The following CHP2 variants were observed in gnomAD, a reference collection of about 807,000 sequenced individuals.
CHP2 encodes the protein calcineurin like EF-hand protein 2, also known as calcineurin B homologous protein 2.
In CHP2, 31 loss-of-function variants were observed where a neutral mutation model predicts 24.7. That is an observed-to-expected ratio of 1.26 (90% CI 0.94 to 1.69). The LOEUF is 1.69. Among genes scored for constraint, CHP2 ranks in the 40% most tolerant of loss-of-function variants. CHP2 has a pLI of 0.00. For missense variants in CHP2, 319 were observed against 261.5 expected (o/e 1.22, Z -1.52); for synonymous variants, 97 against 99.1 (o/e 0.98, Z 0.13).
chr16:23,756,012 G>T (rs749769728), intron 3 of CHP2, 51 bp from the exon 4 acceptor site: 28 of 1,613,772 alleles, frequency 1.7e-5, no homozygotes, highest in Middle Eastern at 1.6e-4. Flanking sequence ...CGGAGGCAAA[G>T]TGATGGCCAA....
rs1248844461 is a variant in CHP2, at chr16:23,756,178, A to G, written c.337A>G (p.Arg113Gly). 1 of 1,613,966 alleles carries G rather than the reference A, an allele frequency of 6.2e-7. No homozygotes were observed. Among genetic ancestry groups the G allele is most frequent in the Non-Finnish European group, 8.5e-7 (1 of 1,180,040 alleles). ...PKKPEPLNSR[R>G]NKLHYAFQLY... ...GAAACCTGAACCTCTCAACAGCAGA[A>G]GGAACAAACTTCACTGTGAGTTTGT... Residue 113 changes from arginine to glycine, a missense_variant, in exon 4 of 7, where the codon AGG becomes GGG. By Grantham distance (125) the Arg-to-Gly change is moderately radical (BLOSUM62 -2). Coordinates refer to ENST00000300113, the MANE Select transcript of CHP2 (RefSeq NM_022097.4).
At chr16:23,756,670 G>A (rs915032133) in intron 5 of CHP2, among the ~76,000 whole-genome samples, 1 of 152,148 alleles carries the variant, frequency 6.6e-6, no homozygotes, top group African/African-American at 2.4e-5. Context: ...ATTCTCAACT[G>A]GGGGTGATTT....
intron 6 of CHP2, 31 bp from the exon 7 acceptor site, chr16:23,757,499 G>A (rs750156394): frequency 3.7e-6 from 6 of 1,611,328 alleles, no homozygotes; most frequent in South Asian, 1.1e-5. Context: ...TGAGAGTCAA[G>A]CCTCTTGCCT....
intron 1 of CHP2, chr16:23,755,338 G>A (rs1173874999): frequency 8.4e-6 from 5 of 594,742 alleles, no homozygotes; most frequent in African/African-American, 1.9e-5. Flanking sequence ...GGGTTCACGG[G>A]GTCGGAGTCC....
chr16:23,757,885 T>C lies in CHP2; in HGVS notation c.*302T>C. 1 of 426,558 alleles carries C rather than the reference T, an allele frequency of 2.3e-6. No homozygotes were observed. Among genetic ancestry groups the C allele is most frequent in the South Asian group, 2.2e-5 (1 of 44,666 alleles). The allele number at this position is 426,558 out of a possible 1,614,324, so 26.4% of individuals were successfully genotyped here. On this transcript the variant is annotated 3_prime_UTR_variant, in exon 7 of 7. Transcript: ENST00000300113. ...ATTATGATTACATTGTAATATATAA[T>C]GAAATAATTATACAACTCACCATAA...
At chr16:23,755,960 G>A (rs750198750) in intron 3 of CHP2, 33 bp downstream of exon 3, 7 of 1,613,856 alleles carry the variant, frequency 4.3e-6, no homozygotes, top group East Asian at 4.5e-5. Context: ...AGGTGAAGGC[G>A]GGAAAACCGG....
At chr16:23,757,471 G>T (rs1961241944) in intron 6 of CHP2, 59 bp from the exon 7 acceptor site, 9 of 1,593,592 alleles carry the variant, frequency 5.6e-6, no homozygotes, top group East Asian at 4.5e-5. Context: ...GGGGGAGGAG[G>T]TTGGGAGCAT....
chr16:23,755,208 C>T, intron 1 of CHP2, 92 bp downstream of exon 1: 1 of 923,414 alleles, frequency 1.1e-6, no homozygotes, highest in Non-Finnish European at 1.6e-6. Context: ...GATGGACGAA[C>T]TTACAAGTCT....
At position 23,755,135 on chromosome 16, in the gene CHP2, G is replaced by A; in HGVS notation, c.67+19G>A. 6.3e-7 allele frequency: 1 copy of A among 1,590,234 alleles called. No individual in the cohort carries two copies. Among genetic ancestry groups the A allele is most frequent in the Non-Finnish European group, 8.6e-7 (1 of 1,168,644 alleles). On this transcript the variant is annotated intron_variant, in intron 1 of 6. Coordinates refer to ENST00000300113, the MANE Select transcript of CHP2 (RefSeq NM_022097.4). ...ACCGGCTGTGAGTGCGCCCGCGTCG[G>A]CGGCTGCGGAGGGGACGGGGCGAAC...
chr16:23,756,564 ATTGG>A (rs1961229167), intron 5 of CHP2, 115 bp downstream of exon 5: 4 of 896,186 alleles, frequency 4.5e-6, no homozygotes, highest in Non-Finnish European at 7.2e-6. Context: ...TAATTGGGGT[ATTGG>A]TTGGGAAATG....
At chr16:23,755,286 G>A in intron 1 of CHP2, 170 bp downstream of exon 1, 1 of 603,070 alleles carries the variant, frequency 1.7e-6, no homozygotes, top group Non-Finnish European at 2.9e-6. Flanking sequence ...GTTAGGGGCG[G>A]GTTAACCTAG....
rs1049154584 is a variant in CHP2, at chr16:23,757,648, A to G, written c.*65A>G. The G allele has an allele frequency of 7.8e-7, 1 of 1,279,864 alleles. No homozygotes were observed. Among genetic ancestry groups the G allele is most frequent in the African/African-American group, 1.5e-5 (1 of 68,208 alleles). 79.3% of individuals were successfully genotyped at this position (1,279,864 alleles called of 1,614,324 possible). A position where few individuals can be genotyped will look rare whatever the true frequency, so the allele number is the denominator to read the frequency against. ...TCCTTGGAATTCATCCAAAGCCCCC[A>G]TGGACGCATGGACGCAGGGCGACAA... On this transcript the variant is annotated 3_prime_UTR_variant, in exon 7 of 7. Coordinates refer to ENST00000300113, the MANE Select transcript of CHP2 (RefSeq NM_022097.4).
At chr16:23,757,450 G>C in intron 6 of CHP2, 80 bp from the exon 7 acceptor site, 1 of 1,583,034 alleles carries the variant, frequency 6.3e-7, no homozygotes, top group Non-Finnish European at 8.7e-7. Context: ...CTCTGGAATG[G>C]GTAGAACCCT....
chr16:23,757,734 GTACTAAAGTC>G lies in CHP2; in HGVS notation c.*154_*163del, dbSNP rs1961247360. 2 of 760,102 alleles carry G rather than the reference GTACTAAAGTC, an allele frequency of 2.6e-6. No homozygotes were observed. The highest frequency in any genetic ancestry group is 3.4e-5 in the African/African-American group (2 of 58,046). The allele number at this position is 760,102 out of a possible 1,614,324, so 47.1% of individuals were successfully genotyped here. On this transcript the variant is annotated 3_prime_UTR_variant, in exon 7 of 7. Coordinates refer to ENST00000300113, the MANE Select transcript of CHP2 (RefSeq NM_022097.4). ...CAAGAGAAGAAAGCTGGAAGGATGT[GTACTAAAGTC>G]TAGCTCAGCAGTCCCCAACCTTTTT... is the stretch of plus-strand genomic sequence containing the variant.
At chr16:23,756,580 G>GGT in intron 5 of CHP2, 131 bp downstream of exon 5, 1 of 774,084 alleles carries the variant, frequency 1.3e-6, no homozygotes, top group South Asian at 1.6e-5. Context: ...TGGGAAATGG[G>GGT]AATGGGTGCA....
chr16:23,756,512 T>A, intron 5 of CHP2, 63 bp downstream of exon 5: 2 of 1,391,108 alleles, frequency 1.4e-6, no homozygotes, highest in Non-Finnish European at 1.0e-6. Flanking sequence ...AATGCAATGG[T>A]GTGAGAGATG....
chr16:23,755,715 A>G lies in CHP2; in HGVS notation c.122A>G (p.Asn41Ser). 2 of 1,614,204 alleles carry G rather than the reference A, an allele frequency of 1.2e-6. No individual in the cohort carries two copies. Among genetic ancestry groups the G allele is most frequent in the African/African-American group, 1.3e-5 (1 of 75,054 alleles). Reference protein sequence around the residue: ...LHHRFRALDRNKKGYLSRMDL... With the variant: ...LHHRFRALDRSKKGYLSRMDL... ...CACCGGTTCCGGGCACTGGACAGGA[A>G]TAAGAAGGGCTACCTGAGGTGAGGG... The change falls in exon 2 of 7, where the codon AAT becomes AGT. Residue 41 changes from asparagine to serine, a missense_variant. Physicochemically the swap from Asn to Ser is conservative, Grantham distance 46. Coordinates refer to ENST00000300113, the MANE Select transcript of CHP2 (RefSeq NM_022097.4).
At position 23,757,772 on chromosome 16, in the gene CHP2, C is replaced by A; in HGVS notation, c.*189C>A. On this transcript the variant is annotated 3_prime_UTR_variant, in exon 7 of 7. Coordinates refer to ENST00000300113, the MANE Select transcript of CHP2 (RefSeq NM_022097.4). ...GCTCAGCAGTCCCCAACCTTTTTGG[C>A]ATCAGGGACAGTTTTTCCACGGATG... 1.6e-6 allele frequency: 1 copy of A among 625,740 alleles called. No homozygotes were observed. The highest frequency in any genetic ancestry group is 2.9e-6 in the Non-Finnish European group (1 of 348,878). The allele number at this position is 625,740 out of a possible 1,614,324, so 38.8% of individuals were successfully genotyped here. A position where few individuals can be genotyped will look rare whatever the true frequency, so the allele number is the denominator to read the frequency against.
At chr16:23,757,121 G>T in intron 5 of CHP2, 80 bp from the exon 6 acceptor site, 1 of 1,516,064 alleles carries the variant, frequency 6.6e-7, no homozygotes, top group Non-Finnish European at 9.1e-7. Flanking sequence ...CTTTTGGGAT[G>T]AGGTGGGCAA....
Sources: gnomAD v4.1 joint callset for allele counts (sites outside exome capture counted in the v4.1 genomes callset) on GRCh38, gnomAD v4.1.1 for gene constraint, MANE v1.5 for transcripts, NCBI Gene and HGNC (gene_info 2026-07-23, HGNC 2026-07-21) for gene names.